DLGAP4: variants seen among roughly 807,000 people sequenced by gnomAD.
DLGAP4 encodes the protein DLG associated protein 4, also known as disks large-associated protein 4.
DLGAP4 carries 18 observed loss-of-function variants against 86.9 expected under a neutral mutation model. The ratio of observed to expected loss-of-function variants is 0.21; its 90% CI spans 0.14 to 0.31. DLGAP4 has a LOEUF of 0.31. Ranked by LOEUF, DLGAP4 falls within the 10% of genes least tolerant of loss-of-function variation. DLGAP4 has a pLI of 1.00. For synonymous variants in DLGAP4, 548 were observed against 574.3 expected (o/e 0.95, Z 0.65); for missense variants, 1,085 against 1,362.6 (o/e 0.80, Z 3.21).
rs531412978 is a variant in DLGAP4 at position 36,328,768 on chromosome 20, A to G, written c.-304+22256A>G. On this transcript the variant is annotated intron_variant, in intron 1 of 12. Coordinates refer to ENST00000339266, the MANE Select transcript of DLGAP4 (RefSeq NM_001365621.2). ...CTCAGCCTCAGGCATGAGCCAGCAC[A>G]CCCAGCTAATTTTTTTTTTTTTTCT... Among the ~76,000 whole-genome samples, 12 of 149,130 alleles carry G rather than the reference A, an allele frequency of 8.0e-5. No homozygotes were observed. The East Asian group carries it at 2.2e-3, about 27-fold the overall frequency.
intron 1 of DLGAP4, among the ~76,000 whole-genome samples, chr20:36,349,682 G>A (rs552042424): frequency 6.6e-6 from 1 of 152,104 alleles, no homozygotes; most frequent in Non-Finnish European, 1.5e-5. Flanking sequence ...TGGATATGAC[G>A]TGCCCAGCAT....
chr20:36,318,046 T>C (rs1262599159), intron 1 of DLGAP4, among the ~76,000 whole-genome samples: 1 of 151,906 alleles, frequency 6.6e-6, no homozygotes, highest in Non-Finnish European at 1.5e-5. Flanking sequence ...TCACTACTTA[T>C]TACTGTGGAA....
At chr20:36,342,672 C>T (rs1483381106) in intron 1 of DLGAP4, among the ~76,000 whole-genome samples, 1 of 152,208 alleles carries the variant, frequency 6.6e-6, no homozygotes, top group African/African-American at 2.4e-5. Context: ...CCTCTGCCAA[C>T]TGGAAAGGCT....
At chr20:36,325,025 G>GTT (rs565858865) in intron 1 of DLGAP4, among the ~76,000 whole-genome samples, 23 of 150,734 alleles carry the variant, frequency 1.5e-4, no homozygotes, top group African/African-American at 5.4e-4. Context: ...TTCTAGTTTT[G>GTT]TTTTTTTTAA....
chr20:36,385,890 C>T (rs1233753791), intron 2 of DLGAP4, among the ~76,000 whole-genome samples: 4 of 152,184 alleles, frequency 2.6e-5, no homozygotes, highest in African/African-American at 9.7e-5. Flanking sequence ...TCTGCCTCCC[C>T]ACTTCAGCCC....
At chr20:36,372,476 C>A (rs2030979982) in intron 2 of DLGAP4, among the ~76,000 whole-genome samples, 1 of 152,088 alleles carries the variant, frequency 6.6e-6, no homozygotes, top group African/African-American at 2.4e-5. Flanking sequence ...CAGTGAGCAT[C>A]CTTGCTAGAT....
intron 7 of DLGAP4, among the ~76,000 whole-genome samples, chr20:36,488,153 T>A (rs1483676388): frequency 6.6e-6 from 1 of 150,786 alleles, no homozygotes; most frequent in African/African-American, 2.4e-5. Context: ...TAAGCCAAGA[T>A]TGCTCCACTG....
intron 2 of DLGAP4, among the ~76,000 whole-genome samples, chr20:36,388,762 G>A (rs1474023928): frequency 1.3e-5 from 2 of 152,186 alleles, no homozygotes; most frequent in Admixed American, 6.5e-5. Flanking sequence ...CCTGAGCCTG[G>A]TGCAGGTGCC....
intron 2 of DLGAP4, among the ~76,000 whole-genome samples, chr20:36,395,222 T>A (rs2031911056): frequency 6.6e-6 from 1 of 152,214 alleles, no homozygotes. Flanking sequence ...ACTGCATTCT[T>A]CTTTACCTTC....
chr20:36,491,897 T>G (rs2035680177), intron 7 of DLGAP4, among the ~76,000 whole-genome samples: 1 of 152,198 alleles, frequency 6.6e-6, no homozygotes, highest in African/African-American at 2.4e-5. Context: ...GCATGTGGCA[T>G]GATTTGTCAG....
intron 2 of DLGAP4, among the ~76,000 whole-genome samples, chr20:36,381,396 A>G (rs981482120): frequency 2.0e-4 from 30 of 152,250 alleles, no homozygotes; most frequent in African/African-American, 7.0e-4. Context: ...GGGACACACT[A>G]GGCACAAAAT....
At chr20:36,423,431 G>A (rs1435186981) in intron 2 of DLGAP4, among the ~76,000 whole-genome samples, 3 of 142,078 alleles carry the variant, frequency 2.1e-5, no homozygotes, top group Non-Finnish European at 3.0e-5. Context: ...ACTCCAGCCT[G>A]GGTGACAGAG....
At chr20:36,523,931 G>C (rs1320766443) in intron 10 of DLGAP4, among the ~76,000 whole-genome samples, 2 of 152,210 alleles carry the variant, frequency 1.3e-5, no homozygotes, top group Non-Finnish European at 1.5e-5. Context: ...AAAGTGCTGG[G>C]ATTACAGGCG....
At chr20:36,380,836 C>G (rs1454261260) in intron 2 of DLGAP4, among the ~76,000 whole-genome samples, 1 of 152,206 alleles carries the variant, frequency 6.6e-6, no homozygotes, top group African/African-American at 2.4e-5. Flanking sequence ...AGAGTAAAGC[C>G]TGCATGCTTC....
intron 7 of DLGAP4, among the ~76,000 whole-genome samples, chr20:36,448,638 C>G (rs1283047216): frequency 1.3e-5 from 2 of 152,056 alleles, no homozygotes; most frequent in Non-Finnish European, 2.9e-5. Context: ...TCCTGAAAAT[C>G]AAAAACAATT....
chr20:36,345,614 T>C (rs996823217), intron 1 of DLGAP4, among the ~76,000 whole-genome samples: 1 of 152,240 alleles, frequency 6.6e-6, no homozygotes, highest in Admixed American at 6.5e-5. Context: ...CTATGGCGAA[T>C]GTACAGCCAA....
intron 10 of DLGAP4, among the ~76,000 whole-genome samples, chr20:36,516,826 T>C (rs1448655082): frequency 6.6e-6 from 1 of 151,988 alleles, no homozygotes; most frequent in Non-Finnish European, 1.5e-5. Context: ...CGTAGTGGCT[T>C]ATGCCTGTAG....
intron 7 of DLGAP4, among the ~76,000 whole-genome samples, chr20:36,447,890 T>C (rs1458967042): frequency 2.2e-4 from 3 of 13,514 alleles, no homozygotes; most frequent in Admixed American, 1.0e-3. Flanking sequence ...CACCAGGGCC[T>C]ATCAGGGGGG....
rs546747631 is a variant in DLGAP4, at chr20:36,431,501, G to A, written c.-72-145G>A. ...TTTATACACAGAGTACGTGGGCCTC[G>A]GTGTGTACTCCTGTCCTCAGGCCCA... On this transcript the variant is annotated intron_variant, in intron 2 of 12. Transcript: ENST00000339266. This position sits in a 1 kb window ranked among gnomAD's most constrained non-coding sequence, Gnocchi z 5.1. 33 of 545,134 alleles carry A rather than the reference G, an allele frequency of 6.1e-5. No homozygotes were observed. Among genetic ancestry groups the A allele is most frequent in the African/African-American group, 1.5e-4 (8 of 52,620 alleles). 33.8% of individuals were successfully genotyped at this position (545,134 alleles called of 1,614,324 possible).
Sources: allele counts gnomAD v4.1 joint callset (sites outside exome capture counted in the v4.1 genomes callset), GRCh38; gene constraint gnomAD v4.1.1; non-coding constraint Gnocchi (gnomAD v3.1); transcripts MANE v1.5; gene names NCBI Gene and HGNC (gene_info 2026-07-23, HGNC 2026-07-21).